WDR17: variants seen among roughly 807,000 people sequenced by gnomAD.
The protein encoded by WDR17 is WD repeat domain 17, also known as WD repeat-containing protein 17.
In WDR17, 143 loss-of-function variants were observed where a neutral mutation model predicts 161.7. That is an observed-to-expected ratio of 0.88 (90% CI 0.77 to 1.02). The LOEUF (loss-of-function observed/expected upper bound fraction) is 1.02, where lower values mean the gene tolerates loss of function less well. WDR17 is among the 50% of genes least tolerant of loss of function. WDR17 has a pLI of 0.00. For synonymous variants in WDR17, 517 were observed against 515.6 expected, an observed-to-expected ratio of 1.00 and a Z score of -0.04; for missense variants, 1,469 against 1,520.9, an observed-to-expected ratio of 0.97 and a Z score of 0.57.
chr4:176,173,833 A>G (rs369251589), intron 25 of WDR17, among the ~76,000 whole-genome samples: 1 of 151,338 alleles, frequency 6.6e-6, no homozygotes, highest in Non-Finnish European at 1.5e-5. Flanking sequence ...TGTTTTTAAG[A>G]AAAAAAATGT....
intron 1 of WDR17, among the ~76,000 whole-genome samples, chr4:176,084,802 T>C (rs535993394): frequency 1.3e-4 from 19 of 147,700 alleles, no homozygotes; most frequent in South Asian, 2.1e-4. Context: ...TATATATATA[T>C]ACACACATGC....
At chr4:176,143,509 A>T (rs1745640850) in intron 11 of WDR17, among the ~76,000 whole-genome samples, 2 of 151,428 alleles carry the variant, frequency 1.3e-5, no homozygotes, top group African/African-American at 2.4e-5. Context: ...TAAAAAAAAA[A>T]AAAAAATGAA....
chr4:176,154,277 T>C (rs1394885476), intron 17 of WDR17, among the ~76,000 whole-genome samples: 1 of 152,024 alleles, frequency 6.6e-6, no homozygotes, highest in Non-Finnish European at 1.5e-5. Context: ...GGTCGAGAGT[T>C]TGAGAACAGC....
intron 2 of WDR17, among the ~76,000 whole-genome samples, chr4:176,114,299 A>G (rs931448769): frequency 6.6e-6 from 1 of 152,108 alleles, no homozygotes; most frequent in African/African-American, 2.4e-5. Flanking sequence ...TGCTAATCAA[A>G]TGAAAACTTC....
chr4:176,143,889 C>T (rs925969577), intron 11 of WDR17, among the ~76,000 whole-genome samples: 8 of 152,072 alleles, frequency 5.3e-5, no homozygotes, highest in African/African-American at 1.9e-4. Context: ...GCTGAGCACA[C>T]CATTCTACTG....
At chr4:176,152,933 CAA>C (rs201147883) in intron 17 of WDR17, among the ~76,000 whole-genome samples, 5 of 126,064 alleles carry the variant, frequency 4.0e-5, no homozygotes, top group South Asian at 2.5e-4. Context: ...GACTCCATCT[CAA>C]AAAAAAAAAA....
At chr4:176,070,623 C>T (rs1046195187) in intron 1 of WDR17, among the ~76,000 whole-genome samples, 2 of 152,054 alleles carry the variant, frequency 1.3e-5, no homozygotes, top group South Asian at 2.1e-4. Flanking sequence ...AATCAATCCC[C>T]CCACAGCAGC....
chr4:176,102,015 A>C (rs545339059), intron 1 of WDR17, among the ~76,000 whole-genome samples: 1 of 152,334 alleles, frequency 6.6e-6, no homozygotes, highest in African/African-American at 2.4e-5. Context: ...AAAATAATTG[A>C]TAAGCTGGAC....
intron 1 of WDR17, among the ~76,000 whole-genome samples, chr4:176,094,581 G>A (rs1736568795): frequency 6.6e-6 from 1 of 152,140 alleles, no homozygotes; most frequent in Admixed American, 6.6e-5. Context: ...AACATAGAAG[G>A]ACAACATATA....
At position 176,180,733 on chromosome 4, in the gene WDR17, A is replaced by C. The variant is rs1435130262; in HGVS notation, c.*1154A>C. ...CTCAAAAAACAAACCAACAAAAACC[A>C]CAATTGATTTGATGAAAATTAGTTT... On this transcript the variant is annotated 3_prime_UTR_variant, in exon 29 of 29. Coordinates refer to ENST00000508596, the MANE Select transcript of WDR17 (RefSeq NM_181265.4). 2 of 152,126 alleles carry C rather than the reference A, an allele frequency of 1.3e-5. No homozygotes were observed. Among genetic ancestry groups the C allele is most frequent in the Admixed American group, 1.3e-4 (2 of 15,276 alleles). 9.4% of individuals were successfully genotyped at this position (152,126 alleles called of 1,614,324 possible).
Position 176,158,449 on chromosome 4 carries a change from A to G in WDR17, c.2526-1545A>G, listed in dbSNP as rs189006339. On this transcript the variant is annotated intron_variant, in intron 18 of 28. Transcript: ENST00000508596. ...AGCTGTTGCTAATCACTGGGATTTA[A>G]AAACAAACAACTAAAACAACAACAA... Among the ~76,000 whole-genome samples the G allele has an allele frequency of 1.3e-4, 20 of 152,352 alleles. 1 individual carries two copies. The East Asian group carries it at 3.3e-3, about 25-fold the overall frequency.
chr4:176,140,319 T>C (rs6812750), intron 10 of WDR17, among the ~76,000 whole-genome samples: 39,859 of 151,842 alleles, frequency 0.26, 5,460 homozygotes, highest in African/African-American at 0.33. Context: ...AGTAGTATTT[T>C]GGTTTCACAG....
At chr4:176,122,490 G>C (rs1410348690) in intron 4 of WDR17, among the ~76,000 whole-genome samples, 1 of 152,168 alleles carries the variant, frequency 6.6e-6, no homozygotes, top group African/African-American at 2.4e-5. Context: ...CATTATAAAA[G>C]ATACAGTCCT....
intron 23 of WDR17, 25 bp from the exon 24 acceptor site, chr4:176,172,347 CATT>C (rs1750849396): frequency 1.3e-6 from 2 of 1,591,646 alleles, no homozygotes; most frequent in South Asian, 1.2e-5. Flanking sequence ...ATTTTAGTAA[CATT>C]GTTTTCAAAT....
chr4:176,125,342 G>A lies in WDR17; in HGVS notation c.777G>A (p.Met259Ile), dbSNP rs748251519. 6.2e-7 allele frequency: 1 copy of A among 1,613,970 alleles called. No homozygotes were observed. Among genetic ancestry groups the A allele is most frequent in the South Asian group, 1.1e-5 (1 of 91,056 alleles). Reference sequence around the variant, plus strand: ...CCTGGGTTCCCAGTGCTCCTGGGATGTTTATAACTGGAGGTAAGCTAATCC... The same window carrying A: ...CCTGGGTTCCCAGTGCTCCTGGGATATTTATAACTGGAGGTAAGCTAATCC... ...CLAWVPSAPG[M>I]FITGDSQVGV... is the part of the protein sequence containing the mutation. Residue 259 changes from methionine (M) to isoleucine (I), a missense_variant, in exon 5 of 29, where the codon ATG becomes ATA. Coordinates refer to ENST00000508596, the MANE Select transcript of WDR17 (RefSeq NM_181265.4).
intron 11 of WDR17, among the ~76,000 whole-genome samples, chr4:176,145,110 T>G (rs900264506): frequency 6.6e-6 from 1 of 152,176 alleles, no homozygotes; most frequent in Non-Finnish European, 1.5e-5. Context: ...TTGAAAGGGT[T>G]TTGATGACAG....
intron 20 of WDR17, among the ~76,000 whole-genome samples, chr4:176,161,404 T>C (rs1033747903): frequency 2.0e-5 from 3 of 152,116 alleles, no homozygotes; most frequent in South Asian, 2.1e-4. Context: ...GACCCCAGTA[T>C]TGGTATCTAG....
In WDR17 at chr4:176,128,819, T is replaced by G. The variant is rs1482507212; in HGVS notation, c.872T>G (p.Phe291Cys). 6.2e-7 allele frequency: 1 copy of G among 1,604,998 alleles called. No individual in the cohort carries two copies. Among genetic ancestry groups the G allele is most frequent in the South Asian group, 1.1e-5 (1 of 88,854 alleles). Reference sequence around the variant, plus strand: ...AATCTTAAATTAAAGAAAACAGGATTTCACTGCTTACATGTACTTAATTCT... The same window carrying G: ...AATCTTAAATTAAAGAAAACAGGATGTCACTGCTTACATGTACTTAATTCT... ...IDNLKLKKTG[F>C]HCLHVLNSPP... Residue 291 changes from phenylalanine to cysteine, a missense_variant, in exon 6 of 29, where the codon TTT becomes TGT. Transcript: ENST00000508596.
At chr4:176,105,118 A>G (rs1269253888) in intron 1 of WDR17, among the ~76,000 whole-genome samples, 2 of 152,036 alleles carry the variant, frequency 1.3e-5, no homozygotes, top group Non-Finnish European at 2.9e-5. Context: ...TTTTTAGTCA[A>G]AAAAGTTCAG....
Sources: gnomAD v4.1 joint callset for allele counts (sites outside exome capture counted in the v4.1 genomes callset) on GRCh38, gnomAD v4.1.1 for gene constraint, MANE v1.5 for transcripts, NCBI Gene and HGNC (gene_info 2026-07-23, HGNC 2026-07-21) for gene names.